The following INPP4B variants were observed in gnomAD, a reference collection of about 807,000 sequenced individuals.
INPP4B encodes inositol polyphosphate 4-phosphatase type II.
A neutral mutation model predicts 122.5 loss-of-function variants in INPP4B; 55 were observed. The ratio of observed to expected loss-of-function variants is 0.45; its 90% CI spans 0.36 to 0.56. The LOEUF (loss-of-function observed/expected upper bound fraction) is 0.56, where lower values mean the gene tolerates loss of function less well. Ranked by LOEUF, INPP4B falls within the 20% of genes least tolerant of loss-of-function variation. The pLI is 0.00. For missense variants in INPP4B, 1,000 were observed against 1,097.7 expected (o/e 0.91, Z 1.26); for synonymous variants, 403 against 388.7 (o/e 1.04, Z -0.43).
intron 1 of INPP4B, among the ~76,000 whole-genome samples, chr4:142,810,912 T>C (rs1200282976): frequency 6.6e-6 from 1 of 152,238 alleles, no homozygotes; most frequent in East Asian, 1.9e-4. Context: ...AATACATTGG[T>C]TTAGAAGTAT....
At chr4:142,046,969 T>C (rs1016596574) in intron 25 of INPP4B, among the ~76,000 whole-genome samples, 2 of 152,132 alleles carry the variant, frequency 1.3e-5, no homozygotes, top group African/African-American at 4.8e-5. Context: ...ACTCCAAGAC[T>C]GAGGAGACAG....
intron 21 of INPP4B, among the ~76,000 whole-genome samples, chr4:142,116,263 A>G (rs1793330844): frequency 6.6e-6 from 1 of 152,124 alleles, no homozygotes; most frequent in Non-Finnish European, 1.5e-5. Flanking sequence ...GGAGACAGAA[A>G]GTTAACAAGG....
chr4:142,575,920 C>A (rs1399177402), intron 2 of INPP4B, among the ~76,000 whole-genome samples: 1 of 151,998 alleles, frequency 6.6e-6, no homozygotes, highest in Non-Finnish European at 1.5e-5. Flanking sequence ...GTGTGCAAAA[C>A]CACATATTGT....
chr4:142,394,404 C>G (rs1798697477), intron 7 of INPP4B, among the ~76,000 whole-genome samples: 1 of 152,204 alleles, frequency 6.6e-6, no homozygotes, highest in Non-Finnish European at 1.5e-5. Context: ...CTCAGCCTCC[C>G]AAAGTGCTGG....
intron 8 of INPP4B, among the ~76,000 whole-genome samples, chr4:142,310,700 C>G (rs568060759): frequency 6.1e-4 from 91 of 149,736 alleles, no homozygotes; most frequent in Non-Finnish European, 1.1e-3. Flanking sequence ...TTCTGTTAAC[C>G]ATAACAGGTA....
intron 11 of INPP4B, among the ~76,000 whole-genome samples, chr4:142,258,651 G>A (rs1168708722): frequency 1.3e-5 from 2 of 152,158 alleles, no homozygotes; most frequent in South Asian, 4.1e-4. Flanking sequence ...AAACCACAAT[G>A]AGATACCATC....
chr4:142,328,046 T>TG (rs770080727), intron 7 of INPP4B, among the ~76,000 whole-genome samples: 2 of 152,152 alleles, frequency 1.3e-5, no homozygotes, highest in Non-Finnish European at 2.9e-5. Context: ...ATTGTGATAG[T>TG]GGCATTCTAA....
At chr4:142,532,573 C>CT (rs1239084173) in intron 2 of INPP4B, among the ~76,000 whole-genome samples, 2 of 152,252 alleles carry the variant, frequency 1.3e-5, no homozygotes. Flanking sequence ...GCCTCCCTCA[C>CT]TACTGGCCTT....
At chr4:142,701,036 T>C (rs1761692596) in intron 2 of INPP4B, among the ~76,000 whole-genome samples, 1 of 152,096 alleles carries the variant, frequency 6.6e-6, no homozygotes, top group Non-Finnish European at 1.5e-5. Flanking sequence ...ACAGCATTAA[T>C]GAAAGGCTAG....
chr4:142,026,959 G>A lies in INPP4B; in HGVS notation c.*1823C>T, dbSNP rs1578653553. On this transcript the variant is annotated 3_prime_UTR_variant, in exon 26 of 26. Transcript: ENST00000262992. ...TTCATAGCTATTCAAGGAGGCCTCT[G>A]TCATCCCAGCCTATCTTAAATCTAA... 2.5e-5 allele frequency: 1 copy of A among 40,408 alleles called. No homozygotes were observed. Among genetic ancestry groups the A allele is most frequent in the Middle Eastern group, 0.017 (1 of 60 alleles). The allele number at this position is 40,408 out of a possible 1,614,324, so 2.5% of individuals were successfully genotyped here.
intron 7 of INPP4B, among the ~76,000 whole-genome samples, chr4:142,339,521 TTC>T (rs1352115516): frequency 6.6e-6 from 1 of 152,128 alleles, no homozygotes; most frequent in African/African-American, 2.4e-5. Flanking sequence ...AAAGGATAGG[TTC>T]TTTTTACCAG....
chr4:142,446,782 TACAG>T (rs1813001661), intron 3 of INPP4B, among the ~76,000 whole-genome samples: 2 of 152,264 alleles, frequency 1.3e-5, no homozygotes, highest in Non-Finnish European at 2.9e-5. Context: ...CGATGGCACT[TACAG>T]ACATTATTAA....
intron 10 of INPP4B, among the ~76,000 whole-genome samples, chr4:142,262,553 T>A (rs1740612324): frequency 6.6e-6 from 1 of 152,124 alleles, no homozygotes; most frequent in Non-Finnish European, 1.5e-5. Flanking sequence ...TTTTACCCTA[T>A]CTTTTTTTCT....
intron 12 of INPP4B, among the ~76,000 whole-genome samples, chr4:142,215,809 T>TGTGAACCCAGGAGGCGGAGCTTGCA (rs1846896075): frequency 1.4e-5 from 2 of 142,866 alleles, no homozygotes; most frequent in African/African-American, 5.3e-5. Flanking sequence ...GGGAGAATGG[T>TGTGAACCCAGGAGGCGGAGCTTGCA]GTGAACCCAG....
chr4:142,413,690 C>T (rs1282994241), intron 5 of INPP4B, among the ~76,000 whole-genome samples: 1 of 152,170 alleles, frequency 6.6e-6, no homozygotes, highest in African/African-American at 2.4e-5. Flanking sequence ...ATTGCTGTCT[C>T]ATAGTTCCAT....
chr4:142,604,968 C>T (rs114251516), intron 2 of INPP4B, among the ~76,000 whole-genome samples: 1,843 of 151,960 alleles, frequency 0.012, 16 homozygotes, highest in Non-Finnish European at 0.019. Context: ...ATTTCAAAAC[C>T]TATTAGAAGC....
rs1737792124 is a variant in INPP4B, at chr4:142,592,794, AT to A, written c.-190-130069del. On this transcript the variant is annotated intron_variant, in intron 2 of 25. Coordinates refer to ENST00000262992, the MANE Select transcript of INPP4B (RefSeq NM_001101669.3). ...TTGGATTGGAGTAAGGAAATGCTGA[AT>A]TTATAGGATCAAAGACCGTCATAGG... 3.3e-5 allele frequency among the ~76,000 whole-genome samples: 5 copies of A among 152,162 alleles called. No homozygotes were observed. The South Asian group carries it at 1.0e-3, about 31-fold the overall frequency.
chr4:142,755,019 G>T (rs1770311643), intron 1 of INPP4B, among the ~76,000 whole-genome samples: 1 of 152,006 alleles, frequency 6.6e-6, no homozygotes, highest in African/African-American at 2.4e-5. Context: ...AGGATTAAAT[G>T]AAACAATGTG....
intron 1 of INPP4B, among the ~76,000 whole-genome samples, chr4:142,816,584 C>T (rs1349766014): frequency 7.9e-5 from 12 of 151,954 alleles, no homozygotes; most frequent in Admixed American, 3.3e-4. Flanking sequence ...TAACAATATC[C>T]CATGGTGCCT....
Sources: gnomAD v4.1 joint callset for allele counts (sites outside exome capture counted in the v4.1 genomes callset) on GRCh38, gnomAD v4.1.1 for gene constraint, MANE v1.5 for transcripts, NCBI Gene and HGNC (gene_info 2026-07-23, HGNC 2026-07-21) for gene names.